The following NUFIP2 variants were observed in gnomAD, a reference collection of about 807,000 sequenced individuals.
The protein encoded by NUFIP2 is FMR1-interacting protein NUFIP2.
Under a neutral mutation model 56.9 loss-of-function variants are expected in NUFIP2, and 6 were observed. The observed-to-expected ratio is 0.11, with a 90% CI of 0.06 to 0.21. NUFIP2 has a LOEUF of 0.21. Ranked by LOEUF, NUFIP2 falls within the 10% of genes least tolerant of loss-of-function variation. The pLI is 1.00. For synonymous variants in NUFIP2, 321 were observed against 298.2 expected (o/e 1.08, Z -0.79); for missense variants, 828 against 826.8 (o/e 1.00, Z -0.02).
intron 1 of NUFIP2, 103 bp from the exon 2 acceptor site, chr17:29,287,819 T>A (rs797960): frequency 1.8e-6 from 2 of 1,096,116 alleles, no homozygotes; most frequent in South Asian, 1.8e-5. Context: ...GACACTATGC[T>A]ATGAGCTGTA....
chr17:29,273,788 T>C (rs1417985648), intron 2 of NUFIP2, among the ~76,000 whole-genome samples: 1 of 152,190 alleles, frequency 6.6e-6, no homozygotes. Flanking sequence ...ATCTGAAATT[T>C]CTTTACATCA....
chr17:29,287,110 G>C lies in NUFIP2; in HGVS notation c.884C>G (p.Ala295Gly). ...GPGGTSRGKP[A>G]VGDMLRKSSD... is the part of the protein sequence containing the mutation. ...GCTTTTCCGAAGCATATCACCCACA[G>C]CAGGTTTTCCTCGACTTGTTCCTCC... Residue 295 changes from alanine (A) to glycine (G), a missense_variant, in exon 2 of 4, where the codon GCT becomes GGT. By Grantham distance (60) the Ala-to-Gly change is moderately conservative. Coordinates refer to ENST00000225388, the MANE Select transcript of NUFIP2 (RefSeq NM_020772.3). 2 of 1,614,144 alleles carry C rather than the reference G, an allele frequency of 1.2e-6. No homozygotes were observed. Among genetic ancestry groups the C allele is most frequent in the South Asian group, 2.2e-5 (2 of 91,078 alleles).
intron 3 of NUFIP2, among the ~76,000 whole-genome samples, chr17:29,265,365 C>G (rs1414101543): frequency 2.8e-5 from 4 of 144,526 alleles, no homozygotes; most frequent in East Asian, 4.0e-4. Flanking sequence ...TGCAGTGGCG[C>G]GATCTCGGCT....
Position 29,294,098 on chromosome 17 carries a change from G to A in NUFIP2, c.-39C>T, listed in dbSNP as rs771321433. 7.7e-6 allele frequency: 12 copies of A among 1,561,614 alleles called. No individual in the cohort carries two copies. In the African/African-American group the frequency reaches 1.1e-4, roughly 14 times the overall value. On this transcript the variant is annotated 5_prime_UTR_variant, in exon 1 of 4. Coordinates refer to ENST00000225388, the MANE Select transcript of NUFIP2 (RefSeq NM_020772.3). ...GACTCCCTGGCTGAGGCTGCGGGCTGCTGCACCGTCAGGATCTGAGACTGC... is the reference window on the plus strand; with the variant it reads ...GACTCCCTGGCTGAGGCTGCGGGCTACTGCACCGTCAGGATCTGAGACTGC...
Position 29,261,689 on chromosome 17 carries a change from A to G in NUFIP2, c.*2850T>C, listed in dbSNP as rs533598165. 1 of 152,582 alleles carries G rather than the reference A, an allele frequency of 6.6e-6. No homozygotes were observed. Among genetic ancestry groups the G allele is most frequent in the Non-Finnish European group, 1.5e-5 (1 of 68,008 alleles). 9.5% of individuals were successfully genotyped at this position (152,582 alleles called of 1,614,324 possible). A position where few individuals can be genotyped will look rare whatever the true frequency, so the allele number is the denominator to read the frequency against. ...GGAATTGTGTGAGGACCTAAGGAGA[A>G]AGATTGCAACAAATAGAGTTAAGTG... On this transcript the variant is annotated 3_prime_UTR_variant, in exon 4 of 4. Transcript: ENST00000225388.
intron 1 of NUFIP2, among the ~76,000 whole-genome samples, chr17:29,290,823 T>C (rs931866472): frequency 6.6e-6 from 1 of 152,000 alleles, no homozygotes; most frequent in Non-Finnish European, 1.5e-5. Flanking sequence ...GTTTGTATCC[T>C]TGGGCCCATT....
At chr17:29,275,111 T>C (rs1348495642) in intron 2 of NUFIP2, among the ~76,000 whole-genome samples, 1 of 152,016 alleles carries the variant, frequency 6.6e-6, no homozygotes, top group Non-Finnish European at 1.5e-5. Flanking sequence ...CTCCACCTCC[T>C]GGCTTCAGGC....
At chr17:29,268,586 C>T (rs1185740854) in intron 2 of NUFIP2, among the ~76,000 whole-genome samples, 2 of 152,158 alleles carry the variant, frequency 1.3e-5, no homozygotes, top group African/African-American at 2.4e-5. Flanking sequence ...GGCACGATCT[C>T]GGCTCACCGC....
intron 2 of NUFIP2, among the ~76,000 whole-genome samples, chr17:29,272,134 C>A: frequency 1.4e-5 from 2 of 146,800 alleles, no homozygotes; most frequent in Admixed American, 6.9e-5. Context: ...AAGAAAGAAA[C>A]AAATGACATT....
intron 2 of NUFIP2, among the ~76,000 whole-genome samples, chr17:29,271,611 C>T (rs950703268): frequency 1.3e-5 from 2 of 151,984 alleles, no homozygotes; most frequent in Non-Finnish European, 2.9e-5. Context: ...AATGCAATTT[C>T]CCTTCCTGTT....
In NUFIP2 at chr17:29,289,858, G is replaced by A. The variant is rs182865130; in HGVS notation, c.278-2142C>T. On this transcript the variant is annotated intron_variant, in intron 1 of 3. Transcript: ENST00000225388. ...AGTAACCCAAGAAAACATACTCAAG[G>A]CATAATCATTCCTAAAACAGACTGG... Among the ~76,000 whole-genome samples the A allele has an allele frequency of 2.4e-3, 368 of 152,162 alleles. 6 individuals are homozygous for A. Among genetic ancestry groups the A allele is most frequent in the Admixed American group, 0.021 (320 of 15,278 alleles).
Position 29,260,153 on chromosome 17 carries a change from C to T in NUFIP2, c.*4386G>A, listed in dbSNP as rs1401312533. 1.3e-5 allele frequency: 2 copies of T among 152,182 alleles called. No homozygotes were observed. Among genetic ancestry groups the T allele is most frequent in the Non-Finnish European group, 2.9e-5 (2 of 68,038 alleles). The allele number at this position is 152,182 out of a possible 1,614,324, so 9.4% of individuals were successfully genotyped here. ...TTATGCTTCTAGTCTTTTCCTCTGC[C>T]TCTCCCTTTTAAACAAATTATCAAA... On this transcript the variant is annotated 3_prime_UTR_variant, in exon 4 of 4. Transcript: ENST00000225388.
chr17:29,286,871 C>T lies in NUFIP2; in HGVS notation c.1123G>A (p.Val375Met), dbSNP rs749457891. ...GATGATGAAGATGAAGTTGGTGACA[C>T]AGAAGAGTTCTGTATAGTTTTGTTG... ...NLNKTIQNSS[V>M]SPTSSSSSSS... The change falls in exon 2 of 4, where the codon GTG becomes ATG. Residue 375 changes from valine (V) to methionine (M), a missense_variant. This residue lies in a region of NUFIP2 where 404 missense variants were observed against 380.3 expected (regional missense o/e 1.06). Transcript: ENST00000225388. The T allele has an allele frequency of 1.9e-6, 3 of 1,614,178 alleles. No individual in the cohort carries two copies. Among genetic ancestry groups the T allele is most frequent in the East Asian group, 4.5e-5 (2 of 44,884 alleles).
rs1039559829 is a variant in NUFIP2 at position 29,262,576 on chromosome 17, C to G, written c.*1963G>C. On this transcript the variant is annotated 3_prime_UTR_variant, in exon 4 of 4. Transcript: ENST00000225388. ...GACTCAACAAAAATCAAAATAGGAA[C>G]AAGGCAGACTAAATGCAGGGCACAT... The G allele has an allele frequency of 1.3e-5, 2 of 152,328 alleles. No individual in the cohort carries two copies. Among genetic ancestry groups the G allele is most frequent in the Middle Eastern group, 6.8e-3 (2 of 294 alleles). 9.4% of individuals were successfully genotyped at this position (152,328 alleles called of 1,614,324 possible).
chr17:29,293,732 T>A (rs530499431), intron 1 of NUFIP2, 51 bp downstream of exon 1: 39 of 1,101,716 alleles, frequency 3.5e-5, no homozygotes, highest in Non-Finnish European at 4.7e-5. Context: ...CCCCCATCTC[T>A]CCTGTCCTCC....
intron 2 of NUFIP2, among the ~76,000 whole-genome samples, chr17:29,278,076 T>C (rs2069118290): frequency 6.6e-6 from 1 of 151,988 alleles, no homozygotes; most frequent in African/African-American, 2.4e-5. Context: ...TGAATTAAGG[T>C]AGTTAGAAGT....
chr17:29,281,503 G>A (rs947926993), intron 2 of NUFIP2, among the ~76,000 whole-genome samples: 4 of 150,522 alleles, frequency 2.7e-5, no homozygotes, highest in African/African-American at 9.8e-5. Flanking sequence ...AAAAAAAAGA[G>A]AAAAGTTAAT....
At chr17:29,266,928 C>T (rs1044811429) in intron 3 of NUFIP2, among the ~76,000 whole-genome samples, 2 of 151,272 alleles carry the variant, frequency 1.3e-5, no homozygotes, top group African/African-American at 4.9e-5. Flanking sequence ...TTGGAGATGG[C>T]GTTTCGCTCT....
At chr17:29,277,946 A>G (rs1156576101) in intron 2 of NUFIP2, among the ~76,000 whole-genome samples, 1 of 152,136 alleles carries the variant, frequency 6.6e-6, no homozygotes, top group Admixed American at 6.6e-5. Flanking sequence ...CAGGAGGTAG[A>G]GGTAGCAGTG....
Sources: allele counts gnomAD v4.1 joint callset (sites outside exome capture counted in the v4.1 genomes callset), GRCh38; gene constraint gnomAD v4.1.1; regional missense constraint gnomAD v4.1.1; transcripts MANE v1.5; gene names NCBI Gene and HGNC (gene_info 2026-07-23, HGNC 2026-07-21).